The following PTGES3 variants were observed in gnomAD, a reference collection of about 807,000 sequenced individuals.
PTGES3 encodes the protein prostaglandin E synthase 3, also known as Hsp90 co-chaperone.
A neutral mutation model predicts 29.9 loss-of-function variants in PTGES3; 5 were observed. The ratio of observed to expected loss-of-function variants is 0.17; its 90% CI spans 0.09 to 0.35. PTGES3 has a LOEUF of 0.35. Among genes scored for constraint, PTGES3 ranks in the 10% least tolerant of loss-of-function variants. The probability of loss-of-function intolerance (pLI) is 1.00; values close to 1 mark genes in which losing one functional copy is unlikely to be tolerated. For missense variants in PTGES3, 128 were observed against 190.0 expected (o/e 0.67, Z 1.92); for synonymous variants, 49 against 57.8 (o/e 0.85, Z 0.69).
At chr12:56,679,473 T>G (rs1297679763) in intron 1 of PTGES3, among the ~76,000 whole-genome samples, 2 of 151,734 alleles carry the variant, frequency 1.3e-5, no homozygotes, top group Non-Finnish European at 2.9e-5. Flanking sequence ...TGTTTTGCTT[T>G]AAGTAGATTA....
chr12:56,686,214 G>A (rs1393625969), intron 1 of PTGES3, among the ~76,000 whole-genome samples: 1 of 151,904 alleles, frequency 6.6e-6, no homozygotes, highest in African/African-American at 2.4e-5. Flanking sequence ...GAAAAGATAT[G>A]TTGTTTGGCT....
chr12:56,680,998 C>G (rs1289455171), intron 1 of PTGES3, among the ~76,000 whole-genome samples: 1 of 151,968 alleles, frequency 6.6e-6, no homozygotes, highest in East Asian at 1.9e-4. Flanking sequence ...TCTCAAACTT[C>G]TGAACTCAGG....
intron 1 of PTGES3, chr12:56,687,574 A>T: frequency 9.7e-7 from 1 of 1,034,924 alleles, no homozygotes; most frequent in Non-Finnish European, 1.2e-6. Flanking sequence ...CCACAGGTGC[A>T]CTCGACTCAG....
intron 1 of PTGES3, among the ~76,000 whole-genome samples, chr12:56,679,923 C>T (rs1024049033): frequency 1.3e-5 from 2 of 152,046 alleles, no homozygotes; most frequent in African/African-American, 4.8e-5. Flanking sequence ...GATCCACCTG[C>T]CTTGGCTTCC....
chr12:56,685,316 T>A (rs1328145646), intron 1 of PTGES3, among the ~76,000 whole-genome samples: 2 of 152,100 alleles, frequency 1.3e-5, no homozygotes, highest in Non-Finnish European at 2.9e-5. Context: ...TTAGCTGGTC[T>A]CTTCAAAACA....
At chr12:56,673,300 T>C (rs1952080350) in intron 1 of PTGES3, among the ~76,000 whole-genome samples, 1 of 151,920 alleles carries the variant, frequency 6.6e-6, no homozygotes, top group Non-Finnish European at 1.5e-5. Flanking sequence ...CAAACAATGC[T>C]TAGTAGAGTT....
chr12:56,673,159 G>T, intron 1 of PTGES3, 94 bp from the exon 2 acceptor site: 1 of 753,806 alleles, frequency 1.3e-6, no homozygotes, highest in South Asian at 2.4e-5. Flanking sequence ...TTATTTCAGG[G>T]CAGTTTGTTA....
chr12:56,673,483 C>CG (rs747871578), intron 1 of PTGES3, among the ~76,000 whole-genome samples: 3 of 28,110 alleles, frequency 1.1e-4, no homozygotes, highest in Non-Finnish European at 1.7e-4. Flanking sequence ...AATACAAATA[C>CG]GGAAAAAAAA....
chr12:56,670,513 A>G, intron 4 of PTGES3, 149 bp from the exon 5 acceptor site: 1 of 615,690 alleles, frequency 1.6e-6, no homozygotes, highest in Middle Eastern at 3.4e-4. Flanking sequence ...GTGCAATCCC[A>G]CTATTGATCA....
intron 6 of PTGES3, chr12:56,665,917 G>T (rs997368072): frequency 1.9e-6 from 2 of 1,033,526 alleles, no homozygotes; most frequent in Non-Finnish European, 2.3e-6. Context: ...CACCTCGCCC[G>T]GCCTAAACTG....
chr12:56,665,243 T>C (rs1951740725), intron 6 of PTGES3: 1 of 984,968 alleles, frequency 1.0e-6, no homozygotes, highest in Non-Finnish European at 1.2e-6. Context: ...TTGAGAAAAG[T>C]AGTTTAGTGT....
rs1951706563 is a variant in PTGES3, at chr12:56,664,112, T to C, written c.*367A>G. On this transcript the variant is annotated 3_prime_UTR_variant, in exon 8 of 8. Transcript: ENST00000262033. ...GTTCTATAATCTAAAATTTATTCTC[T>C]TTCCCTAAGCTGAGAGCTTCCTATC... 5.9e-6 allele frequency: 1 copy of C among 170,276 alleles called. No homozygotes were observed. The highest frequency in any genetic ancestry group is 1.5e-4 in the South Asian group (1 of 6,856). The allele number at this position is 170,276 out of a possible 1,614,324, so 10.5% of individuals were successfully genotyped here. A position where few individuals can be genotyped will look rare whatever the true frequency, so the allele number is the denominator to read the frequency against.
At chr12:56,666,920 C>A (rs1592239972) in intron 5 of PTGES3, among the ~76,000 whole-genome samples, 1 of 152,056 alleles carries the variant, frequency 6.6e-6, no homozygotes, top group Admixed American at 6.5e-5. Context: ...AACCACCATG[C>A]CAAGCCTTTT....
Position 56,687,701 on chromosome 12 carries a change from G to A in PTGES3, c.2+297C>T, listed in dbSNP as rs546844528. ...GGCGAGCAGCTACCGGGAGCTTAAG[G>A]CCTAGGGTGAAGTTACCGAAAGAGG... On this transcript the variant is annotated intron_variant, in intron 1 of 7. Transcript: ENST00000262033. The A allele has an allele frequency of 1.9e-5, 26 of 1,339,472 alleles. No individual in the cohort carries two copies. In the African/African-American group the frequency reaches 3.1e-4, roughly 16 times the overall value. 83.0% of individuals were successfully genotyped at this position (1,339,472 alleles called of 1,614,324 possible). A position where few individuals can be genotyped will look rare whatever the true frequency, so the allele number is the denominator to read the frequency against.
chr12:56,676,168 G>C (rs1952234090), intron 1 of PTGES3, among the ~76,000 whole-genome samples: 1 of 147,346 alleles, frequency 6.8e-6, no homozygotes, highest in Non-Finnish European at 1.5e-5. Flanking sequence ...GGAGGTTGCG[G>C]TAAGCCGAGA....
intron 3 of PTGES3, 82 bp from the exon 4 acceptor site, chr12:56,671,929 C>G (rs2958154): frequency 1.2e-6 from 1 of 836,718 alleles, no homozygotes; most frequent in Non-Finnish European, 1.7e-6. Context: ...TCTCACCTTT[C>G]TCATTTCTTT....
At chr12:56,664,559 G>A (rs1180963827) in intron 7 of PTGES3, 61 bp from the exon 8 acceptor site, 66 of 1,530,244 alleles carry the variant, frequency 4.3e-5, no homozygotes, top group Non-Finnish European at 5.5e-5. Context: ...CAATTTTACT[G>A]TCTTAAAGGA....
chr12:56,672,824 A>G lies in PTGES3; in HGVS notation c.117-15T>C, dbSNP rs753961330. On this transcript the variant is annotated splice_polypyrimidine_tract_variant and intron_variant, in intron 2 of 7. Transcript: ENST00000262033. ...CTCCGAGACAACTGTATAAAATAATAAAGAAAGAATTAAGCCTCTTCAAAG... is the reference window on the plus strand; with the variant it reads ...CTCCGAGACAACTGTATAAAATAATGAAGAAAGAATTAAGCCTCTTCAAAG... 14 of 1,570,792 alleles carry G rather than the reference A, an allele frequency of 8.9e-6. No homozygotes were observed. The highest frequency in any genetic ancestry group is 1.2e-5 in the Non-Finnish European group (14 of 1,162,118).
intron 1 of PTGES3, among the ~76,000 whole-genome samples, chr12:56,683,752 G>A (rs544456659): frequency 3.3e-5 from 5 of 151,788 alleles, no homozygotes; most frequent in South Asian, 2.1e-4. Flanking sequence ...GAGATCAGGA[G>A]ATCGAGACCA....
Sources: allele counts gnomAD v4.1 joint callset (sites outside exome capture counted in the v4.1 genomes callset), GRCh38; gene constraint gnomAD v4.1.1; transcripts MANE v1.5; gene names NCBI Gene and HGNC (gene_info 2026-07-23, HGNC 2026-07-21).